The following SHF variants were observed in gnomAD, a reference collection of about 807,000 sequenced individuals.
The protein encoded by SHF is Src homology 2 domain containing F.
A neutral mutation model predicts 42.4 loss-of-function variants in SHF; 30 were observed. The observed-to-expected ratio is 0.71, with a 90% CI of 0.53 to 0.96. SHF has a LOEUF of 0.96. Among genes scored for constraint, SHF ranks in the 40% least tolerant of loss-of-function variants. The pLI is 0.00. For synonymous variants in SHF, 264 were observed against 269.9 expected (o/e 0.98, Z 0.21); for missense variants, 598 against 634.0 (o/e 0.94, Z 0.61).
At chr15:45,179,214 A>G (rs1053716321) in intron 1 of SHF, among the ~76,000 whole-genome samples, 5 of 152,246 alleles carry the variant, frequency 3.3e-5, no homozygotes, top group African/African-American at 1.2e-4. Flanking sequence ...CCCCATTTTA[A>G]GAAGTCAGAG....
Position 45,175,312 on chromosome 15 carries a change from C to T in SHF, c.754G>A (p.Glu252Lys). The T allele has an allele frequency of 1.2e-6, 2 of 1,608,634 alleles. No individual in the cohort carries two copies. Among genetic ancestry groups the T allele is most frequent in the Non-Finnish European group, 1.7e-6 (2 of 1,177,332 alleles). The change falls in exon 3 of 7, where the codon GAG becomes AAG. Residue 252 changes from glutamate (E) to lysine (K), a missense_variant. Glu to Lys is a moderately conservative substitution (Grantham distance 56). Transcript: ENST00000690270. ...AEGEGAPWPR[E>K]SRLPEDDERP... ...TCATCATCCTCTGGCAGGCGGGACT[C>T]CCGGGGCCAGGGGGCCCCCTCACCT...
At chr15:45,187,153 T>C (rs1706823) in intron 1 of SHF, among the ~76,000 whole-genome samples, 139,800 of 152,208 alleles carry the variant, frequency 0.92, 65,029 homozygotes, top group Non-Finnish European at 1. Flanking sequence ...AAAAGGCTCA[T>C]GGATCAGGCT....
Position 45,167,838 on chromosome 15 carries a change from A to T in SHF, c.*109T>A. On this transcript the variant is annotated 3_prime_UTR_variant, in exon 7 of 7. Coordinates refer to ENST00000690270, the MANE Select transcript of SHF (RefSeq NM_001394037.1). Reference sequence around the variant, plus strand: ...GAATCTCCAGCTTCTACTGGATCCCAGGAGAAGAAAGGTTTGAAAGATCAC... The same window carrying T: ...GAATCTCCAGCTTCTACTGGATCCCTGGAGAAGAAAGGTTTGAAAGATCAC... 5 of 1,083,820 alleles carry T rather than the reference A, an allele frequency of 4.6e-6. No homozygotes were observed. Among genetic ancestry groups the T allele is most frequent in the East Asian group, 5.7e-5 (2 of 35,024 alleles). The allele number at this position is 1,083,820 out of a possible 1,614,324, so 67.1% of individuals were successfully genotyped here. A position where few individuals can be genotyped will look rare whatever the true frequency, so the allele number is the denominator to read the frequency against.
chr15:45,174,803 G>C (rs1370105059), intron 3 of SHF, among the ~76,000 whole-genome samples: 1 of 152,224 alleles, frequency 6.6e-6, no homozygotes, highest in Admixed American at 6.5e-5. Context: ...CTGGGAGGCA[G>C]AGCCCTAGAA....
In SHF at chr15:45,199,022, A is replaced by G. The variant is rs376077702; in HGVS notation, c.53T>C (p.Leu18Pro). 135 of 1,608,444 alleles carry G rather than the reference A, an allele frequency of 8.4e-5. No individual in the cohort carries two copies. Among genetic ancestry groups the G allele is most frequent in the Non-Finnish European group, 1.0e-4 (123 of 1,177,304 alleles). The change falls in exon 2 of 8, where the codon CTG becomes CCG. Residue 18 changes from leucine to proline, a missense_variant. By Grantham distance (98) the Leu-to-Pro change is moderately conservative (BLOSUM62 -3). Transcript: ENST00000290894. The stretch of plus-strand genomic sequence containing the variant: ...CGGAGACCCTTGCCGCGAACCCTCC[A>G]GGGTTCCGGTCCTACAGGGGGCGCT...
At chr15:45,169,910 TTTAA>T (rs1897382677) in intron 6 of SHF, among the ~76,000 whole-genome samples, 1 of 152,240 alleles carries the variant, frequency 6.6e-6, no homozygotes, top group African/African-American at 2.4e-5. Flanking sequence ...GAGGAAGTTG[TTTAA>T]TTACCAGTGA....
At chr15:45,173,448 T>G (rs1897626821) in intron 4 of SHF, 128 bp downstream of exon 4, 1 of 1,362,262 alleles carries the variant, frequency 7.3e-7, no homozygotes, top group Non-Finnish European at 9.5e-7. Flanking sequence ...TGTCTCTTCC[T>G]TCTTCCCAAA....
intron 2 of SHF, among the ~76,000 whole-genome samples, chr15:45,193,539 T>C (rs1898770235): frequency 6.6e-6 from 1 of 152,074 alleles, no homozygotes. Context: ...GAGGAAACAA[T>C]AGGGCAGAGG....
Position 45,173,647 on chromosome 15 carries a change from A to G in SHF, c.917T>C (p.Leu306Pro). 1 of 1,551,614 alleles carries G rather than the reference A, an allele frequency of 6.4e-7. No individual in the cohort carries two copies. The highest frequency in any genetic ancestry group is 8.7e-7 in the Non-Finnish European group (1 of 1,146,978). Residue 306 changes from leucine to proline, a missense_variant, in exon 4 of 7, where the codon CTG becomes CCG. Physicochemically the swap from Leu to Pro is moderately conservative, Grantham distance 98. Around this residue, in one of 2 missense-constraint regions of SHF, gnomAD observed 439 missense variants for 524.6 expected, o/e 0.84. Transcript: ENST00000690270. ...GGAGATGTCCCTGTCCCCATCAGGC[A>G]GGGAGGGGCTGCTGTCCAGCTGTCC... The part of the protein sequence containing the change: ...PVGQLDSSPS[L>P]PDGDRDISGP...
Position 45,187,777 on chromosome 15 carries a change from C to T in SHF, c.175G>A (p.Gly59Arg), listed in dbSNP as rs1484349653. 13 of 870,738 alleles carry T rather than the reference C, an allele frequency of 1.5e-5. No individual in the cohort carries two copies. The highest frequency in any genetic ancestry group is 1.9e-5 in the Non-Finnish European group (13 of 668,144). The allele number at this position is 870,738 out of a possible 1,614,324, so 53.9% of individuals were successfully genotyped here. ...KWLREHLGFR[G>R]GGGGGGGSKP... Reference sequence around the variant, plus strand: ...CTGCCCCCTCCGCCGCCGCCCCCCCCGCGGAAGCCCAGGTGCTCCCGGAGC... The same window carrying T: ...CTGCCCCCTCCGCCGCCGCCCCCCCTGCGGAAGCCCAGGTGCTCCCGGAGC... Residue 59 changes from glycine to arginine, a missense_variant, in exon 1 of 7, where the codon GGG becomes AGG. Around this residue, in one of 2 missense-constraint regions of SHF, gnomAD observed 159 missense variants for 109.3 expected, o/e 1.45. Coordinates refer to ENST00000690270, the MANE Select transcript of SHF (RefSeq NM_001394037.1).
chr15:45,196,780 C>T (rs972481743), intron 2 of SHF, among the ~76,000 whole-genome samples: 82 of 151,856 alleles, frequency 5.4e-4, no homozygotes, highest in African/African-American at 1.8e-3. Context: ...GCGCCTGTAG[C>T]CCCAGCTACT....
Position 45,173,598 on chromosome 15 carries a change from C to T in SHF, c.966G>A (p.Glu322=), listed in dbSNP as rs1170903027. The change falls in exon 4 of 7, where the codon GAG becomes GAA. Residue 322 remains glutamate, a synonymous_variant. Transcript: ENST00000690270. ...CACCGCTGCTGTCCTCCAGGCTGGG[C>T]TCAGGGAGGGGCGAGGCTGGACCGG... ...DISGPASPLP[E]PSLEDSSAQF... 6.5e-7 allele frequency: 1 copy of T among 1,539,604 alleles called. No individual in the cohort carries two copies. Among genetic ancestry groups the T allele is most frequent in the Non-Finnish European group, 8.8e-7 (1 of 1,141,262 alleles).
chr15:45,189,913 T>G (rs1424955724), upstream of SHF, among the ~76,000 whole-genome samples: 3 of 152,174 alleles, frequency 2.0e-5, no homozygotes, highest in Non-Finnish European at 4.4e-5. Flanking sequence ...GGTGGGAGAA[T>G]TGCTTGAGCC....
chr15:45,187,330 G>A (rs990682135), intron 1 of SHF, 124 bp downstream of exon 1: 3 of 960,762 alleles, frequency 3.1e-6, no homozygotes, highest in Non-Finnish European at 4.0e-6. Flanking sequence ...CGGGGTCAGG[G>A]GCTCGCGTCT....
chr15:45,185,301 C>T (rs571566230), intron 1 of SHF, among the ~76,000 whole-genome samples: 54 of 152,378 alleles, frequency 3.5e-4, no homozygotes, highest in Non-Finnish European at 6.2e-4. Context: ...AGTACATAAA[C>T]ACCAGCTCCA....
At chr15:45,190,859 CT>C (rs987332966), upstream of SHF, among the ~76,000 whole-genome samples, 1 of 152,118 alleles carries the variant, frequency 6.6e-6, no homozygotes, top group Non-Finnish European at 1.5e-5. Flanking sequence ...ATTATAAAAA[CT>C]TGTGTGCACC....
At chr15:45,196,998 GC>G (rs1409187373) in intron 2 of SHF, among the ~76,000 whole-genome samples, 1 of 151,944 alleles carries the variant, frequency 6.6e-6, no homozygotes, top group East Asian at 1.9e-4. Flanking sequence ...ACCTAAAAGG[GC>G]TACAAATTAC....
At chr15:45,172,074 G>T in intron 5 of SHF, 72 bp from the exon 6 acceptor site, 4 of 1,613,876 alleles carry the variant, frequency 2.5e-6, no homozygotes, top group Non-Finnish European at 3.4e-6. Context: ...CATTGTGGGT[G>T]TCCCCTGTAG....
At chr15:45,181,186 A>G (rs760423013) in intron 1 of SHF, 1 of 152,346 alleles carries the variant, frequency 6.6e-6, no homozygotes, top group Non-Finnish European at 1.5e-5. Flanking sequence ...TGCAGTGCCC[A>G]TGGGCACCCA....
Sources: allele counts gnomAD v4.1 joint callset (sites outside exome capture counted in the v4.1 genomes callset), GRCh38; gene constraint gnomAD v4.1.1; regional missense constraint gnomAD v4.1.1; transcripts MANE v1.5; gene names NCBI Gene and HGNC (gene_info 2026-07-23, HGNC 2026-07-21).